Variants in WWOX observed in about 807,000 individuals in gnomAD.
WWOX encodes WW domain containing oxidoreductase.
In WWOX, 69 loss-of-function variants were observed where a neutral mutation model predicts 46.2. The observed-to-expected ratio is 1.49, with a 90% CI of 1.23 to 1.82. WWOX has a LOEUF of 1.82. Among genes scored for constraint, WWOX ranks in the 40% most tolerant of loss-of-function variants. The pLI is 0.00. For synonymous variants in WWOX, 359 were observed against 202.6 expected (o/e 1.77, Z -6.56); for missense variants, 919 against 542.6 (o/e 1.69, Z -6.89).
chr16:78,787,893 T>A (rs1263075307), intron 8 of WWOX, among the ~76,000 whole-genome samples: 1 of 152,194 alleles, frequency 6.6e-6, no homozygotes, highest in Non-Finnish European at 1.5e-5. Context: ...TCCCTCATGA[T>A]TAATGATGTT....
At chr16:78,750,222 C>T (rs182511747) in intron 8 of WWOX, among the ~76,000 whole-genome samples, 1 of 152,256 alleles carries the variant, frequency 6.6e-6, no homozygotes, top group East Asian at 1.9e-4. Flanking sequence ...AACCCACTGC[C>T]CAGGTCAGCT....
At position 78,450,759 on chromosome 16, in the gene WWOX, A is replaced by G. The variant is rs74769287; in HGVS notation, c.1056+18007A>G. Among the ~76,000 whole-genome samples the G allele has an allele frequency of 5.3e-3, 808 of 152,324 alleles. 39 individuals are homozygous for G. In the East Asian group the frequency reaches 0.11, roughly 21 times the overall value. Reference sequence around the variant, plus strand: ...CTTTGTTAATTCTCTATAAATATAAAAGAGCAAGTAATGAAATTACCATGG... The same window carrying G: ...CTTTGTTAATTCTCTATAAATATAAGAGAGCAAGTAATGAAATTACCATGG... On this transcript the variant is annotated intron_variant, in intron 8 of 8. Coordinates refer to ENST00000566780, the MANE Select transcript of WWOX (RefSeq NM_016373.4).
intron 8 of WWOX, among the ~76,000 whole-genome samples, chr16:78,721,214 A>G (rs1159797546): frequency 6.6e-6 from 1 of 151,120 alleles, no homozygotes; most frequent in African/African-American, 2.4e-5. Context: ...TTTCTACAGT[A>G]TCTTTAATTG....
chr16:78,455,356 C>A (rs192795302), intron 8 of WWOX, among the ~76,000 whole-genome samples: 1 of 151,892 alleles, frequency 6.6e-6, no homozygotes, highest in Non-Finnish European at 1.5e-5. Context: ...TTTAAAAAAT[C>A]GAGGCTAGGT....
chr16:78,783,186 C>T (rs1198290752), intron 8 of WWOX, among the ~76,000 whole-genome samples: 1 of 152,156 alleles, frequency 6.6e-6, no homozygotes, highest in Non-Finnish European at 1.5e-5. Flanking sequence ...ATAATGGCTG[C>T]CTGATAATTG....
chr16:79,152,701 C>T (rs2050305528), intron 8 of WWOX, among the ~76,000 whole-genome samples: 1 of 151,878 alleles, frequency 6.6e-6, no homozygotes, highest in African/African-American at 2.4e-5. Context: ...AAAACCTGCC[C>T]TGCCCAGCCA....
intron 8 of WWOX, among the ~76,000 whole-genome samples, chr16:78,801,451 G>T (rs1044216002): frequency 6.6e-6 from 1 of 152,196 alleles, no homozygotes; most frequent in Non-Finnish European, 1.5e-5. Context: ...AGAGGTTGCA[G>T]TAAGCTGATA....
intron 8 of WWOX, among the ~76,000 whole-genome samples, chr16:79,095,897 C>G (rs2049059006): frequency 7.2e-6 from 1 of 139,328 alleles, no homozygotes; most frequent in South Asian, 2.3e-4. Context: ...CAGAGTCTTG[C>G]TCTGTTGTTT....
At chr16:79,170,045 G>T (rs574250843) in intron 8 of WWOX, among the ~76,000 whole-genome samples, 1 of 152,204 alleles carries the variant, frequency 6.6e-6, no homozygotes, top group East Asian at 1.9e-4. Context: ...ATTTTATAAT[G>T]AGCGCCAACC....
In WWOX at chr16:78,425,060, G is replaced by C. The variant is rs756074406; in HGVS notation, c.791+5G>C. 3.1e-6 allele frequency: 5 copies of C among 1,613,296 alleles called. No homozygotes were observed. The highest frequency in any genetic ancestry group is 4.5e-5 in the East Asian group (2 of 44,862). ...GGTCTCCTCAGAGTCCCATCGGTGG[G>C]TTTGAATTGCATATTTGTTCACTTA... On this transcript the variant is annotated splice_donor_5th_base_variant and intron_variant, in intron 7 of 8. Transcript: ENST00000566780.
In WWOX at chr16:78,211,464, A is replaced by G. The variant is rs2036558106; in HGVS notation, c.516+47175A>G. Among the ~76,000 whole-genome samples the G allele has an allele frequency of 2.0e-5, 3 of 152,104 alleles. No individual in the cohort carries two copies. In the South Asian group the frequency reaches 6.2e-4, roughly 32 times the overall value. On this transcript the variant is annotated intron_variant, in intron 5 of 8. Coordinates refer to ENST00000566780, the MANE Select transcript of WWOX (RefSeq NM_016373.4). ...AGGTGACCTTTGAGCTGAGTGTATG[A>G]GTGCAAGAGAGAGCGATCACACCTG... is the stretch of plus-strand genomic sequence containing the variant.
intron 8 of WWOX, among the ~76,000 whole-genome samples, chr16:78,601,116 C>T (rs372825200): frequency 6.6e-6 from 1 of 152,184 alleles, no homozygotes; most frequent in Admixed American, 6.5e-5. Flanking sequence ...GTATAAGTGA[C>T]ATGGCTCCTC....
intron 8 of WWOX, among the ~76,000 whole-genome samples, chr16:78,779,859 G>T (rs2050281486): frequency 1.3e-5 from 2 of 152,146 alleles, no homozygotes. Context: ...CTTTGGGACT[G>T]GGTGGATGTA....
intron 8 of WWOX, among the ~76,000 whole-genome samples, chr16:78,675,947 C>G (rs1289399452): frequency 6.6e-6 from 1 of 152,142 alleles, no homozygotes; most frequent in Non-Finnish European, 1.5e-5. Flanking sequence ...AAATCCTTCT[C>G]TGTCCCACCA....
At chr16:78,736,303 T>C (rs2049090584) in intron 8 of WWOX, among the ~76,000 whole-genome samples, 1 of 152,164 alleles carries the variant, frequency 6.6e-6, no homozygotes, top group Non-Finnish European at 1.5e-5. Context: ...CATGGGGACC[T>C]GTATGTTGCC....
In WWOX at chr16:79,099,859, A is replaced by G. The variant is rs115098089; in HGVS notation, c.1057-111749A>G. On this transcript the variant is annotated intron_variant, in intron 8 of 8. Coordinates refer to ENST00000566780, the MANE Select transcript of WWOX (RefSeq NM_016373.4). ...AACAGCATGAGTAGGAGATATATAG[A>G]AACAGATTTATTGCAAGGAGTTGGC... 3.6e-3 allele frequency among the ~76,000 whole-genome samples: 551 copies of G among 152,318 alleles called. 4 individuals are homozygous for G. Among genetic ancestry groups the G allele is most frequent in the African/African-American group, 0.012 (511 of 41,564 alleles).
At chr16:78,467,261 A>T (rs1193755761) in intron 8 of WWOX, among the ~76,000 whole-genome samples, 3 of 152,180 alleles carry the variant, frequency 2.0e-5, no homozygotes, top group Non-Finnish European at 2.9e-5. Context: ...CACCCATGTT[A>T]ATTAGATATG....
At chr16:78,589,526 C>G (rs2859630) in intron 8 of WWOX, among the ~76,000 whole-genome samples, 64,071 of 152,008 alleles carry the variant, frequency 0.42, 16,059 homozygotes, top group Middle Eastern at 0.59. Flanking sequence ...CTCAAGAGTC[C>G]ACCTTGGCAG....
intron 8 of WWOX, among the ~76,000 whole-genome samples, chr16:78,913,467 T>A (rs909832434): frequency 6.6e-6 from 1 of 151,940 alleles, no homozygotes; most frequent in Non-Finnish European, 1.5e-5. Context: ...GCAGTCTTGA[T>A]GTGAACAAGC....
Sources: gnomAD v4.1 joint callset for allele counts (sites outside exome capture counted in the v4.1 genomes callset) on GRCh38, gnomAD v4.1.1 for gene constraint, MANE v1.5 for transcripts, NCBI Gene and HGNC (gene_info 2026-07-23, HGNC 2026-07-21) for gene names.